ZSCAN4: variants seen among roughly 807,000 people sequenced by gnomAD.
The protein encoded by ZSCAN4 is zinc finger and SCAN domain containing 4.
Under a neutral mutation model 18.3 loss-of-function variants are expected in ZSCAN4, and 18 were observed. The observed-to-expected ratio is 0.98, with a 90% CI of 0.68 to 1.46. ZSCAN4 has a LOEUF of 1.46. Ranked by LOEUF, ZSCAN4 falls within the 40% of genes most tolerant of loss-of-function variation. The pLI is 0.00. For synonymous variants in ZSCAN4, 193 were observed against 180.3 expected (o/e 1.07, Z -0.57); for missense variants, 498 against 511.4 (o/e 0.97, Z 0.25).
chr19:57,666,138 T>C (rs1486873658), upstream of ZSCAN4, among the ~76,000 whole-genome samples: 2 of 152,174 alleles, frequency 1.3e-5, no homozygotes, highest in Non-Finnish European at 2.9e-5. Flanking sequence ...ATCAGATCCT[T>C]ATGAAGCAGC....
chr19:57,654,596 A>G, the ZSCAN4 span, among the ~76,000 whole-genome samples: 1 of 152,150 alleles, frequency 6.6e-6, no homozygotes, highest in Non-Finnish European at 1.5e-5. Flanking sequence ...GGCCATCTGG[A>G]AAGCTGATGG....
chr19:57,667,849 G>A (rs1479831389), upstream of ZSCAN4, among the ~76,000 whole-genome samples: 1 of 151,746 alleles, frequency 6.6e-6, no homozygotes, highest in Non-Finnish European at 1.5e-5. Flanking sequence ...GCCTCCAGTG[G>A]TACTCACATT....
chr19:57,676,512 A>G (rs764799362), exon 3 of ZSCAN4: 1 of 1,613,968 alleles, frequency 6.2e-7, no homozygotes, highest in Non-Finnish European at 8.5e-7. Flanking sequence ...AGAAGACCTG[A>G]CTGATGACAG....
At chr19:57,659,923 G>A in the ZSCAN4 span, among the ~76,000 whole-genome samples, 1 of 152,110 alleles carries the variant, frequency 6.6e-6, no homozygotes, top group Non-Finnish European at 1.5e-5. Context: ...ACCATTAATA[G>A]TTTCAGTAAT....
exon 5 of ZSCAN4, chr19:57,678,995 T>C: frequency 7.6e-7 from 1 of 1,315,646 alleles, no homozygotes; most frequent in Non-Finnish European, 1.0e-6. Flanking sequence ...TATAATCTCC[T>C]GATTATGCTT....
At chr19:57,669,661 G>A (rs1311495136) in intron 1 of ZSCAN4, among the ~76,000 whole-genome samples, 1 of 149,320 alleles carries the variant, frequency 6.7e-6, no homozygotes, top group African/African-American at 2.5e-5. Context: ...TCTTGACCTC[G>A]TGATCCGCCC....
the ZSCAN4 span, among the ~76,000 whole-genome samples, chr19:57,663,198 C>T: frequency 2.0e-5 from 3 of 151,524 alleles, no homozygotes; most frequent in South Asian, 2.1e-4. Flanking sequence ...CCACCGCACC[C>T]GGGATTGTTA....
chr19:57,667,488 A>T (rs1268247749), upstream of ZSCAN4, among the ~76,000 whole-genome samples: 1 of 152,192 alleles, frequency 6.6e-6, no homozygotes, highest in South Asian at 2.1e-4. Flanking sequence ...GTTATTTAGG[A>T]TCTACTTTAC....
At chr19:57,674,557 A>G (rs1012645657) in intron 2 of ZSCAN4, among the ~76,000 whole-genome samples, 1 of 152,092 alleles carries the variant, frequency 6.6e-6, no homozygotes, top group African/African-American at 2.4e-5. Context: ...CATTTTCTTT[A>G]TCCAGTCAAC....
chr19:57,678,415 G>A (rs755945198), exon 5 of ZSCAN4: 4 of 1,613,976 alleles, frequency 2.5e-6, no homozygotes, highest in Admixed American at 3.3e-5. Context: ...ATGGTGATGG[G>A]AGCAGGGTGT....
At chr19:57,668,618 C>T (rs142361776), upstream of ZSCAN4, among the ~76,000 whole-genome samples, 1,708 of 152,208 alleles carry the variant, frequency 0.011, 19 homozygotes, top group Non-Finnish European at 0.014. Context: ...AAAGCCTCAG[C>T]CTGTATGAGG....
chr19:57,677,280 G>C (rs1984215258), intron 3 of ZSCAN4, among the ~76,000 whole-genome samples: 1 of 152,204 alleles, frequency 6.6e-6, no homozygotes, highest in African/African-American at 2.4e-5. Context: ...GTCATTTTCA[G>C]ATATGTGCAG....
At chr19:57,670,213 TTAA>T (rs1568657868) in intron 1 of ZSCAN4, 29 bp from the exon 2 acceptor site, 1 of 152,332 alleles carries the variant, frequency 6.6e-6, no homozygotes, top group Non-Finnish European at 1.5e-5. Flanking sequence ...TGCAGAAATA[TTAA>T]TGTGTTTGTT....
chr19:57,663,549 T>TAAAAAAAAAAAAAAAAAAAAAAAA, the ZSCAN4 span, among the ~76,000 whole-genome samples: 1 of 65,708 alleles, frequency 1.5e-5, no homozygotes, highest in African/African-American at 5.9e-5. Flanking sequence ...AAAAAAAAAT[T>TAAAAAAAAAAAAAAAAAAAAAAAA]AGCTGGGCGT....
chr19:57,657,214 C>T, the ZSCAN4 span, among the ~76,000 whole-genome samples: 7,772 of 148,988 alleles, frequency 0.052, 268 homozygotes, highest in African/African-American at 0.089. Flanking sequence ...TGAGATCGCG[C>T]CACTGTACTC....
At chr19:57,676,341 T>G in exon 3 of ZSCAN4, 3 of 1,614,206 alleles carry the variant, frequency 1.9e-6, no homozygotes, top group Non-Finnish European at 2.5e-6. Flanking sequence ...GCAAAGACTT[T>G]ATAGGATCTT....
chr19:57,657,949 T>A, the ZSCAN4 span, among the ~76,000 whole-genome samples: 1 of 152,236 alleles, frequency 6.6e-6, no homozygotes, highest in Non-Finnish European at 1.5e-5. Flanking sequence ...AAAAGGTCTG[T>A]GCATGTTCAG....
At chr19:57,678,677 T>C (rs1984269168) in exon 5 of ZSCAN4, 1 of 1,614,096 alleles carries the variant, frequency 6.2e-7, no homozygotes, top group Non-Finnish European at 8.5e-7. Flanking sequence ...TACGGGTGCA[T>C]CAGATAATTC....
intron 2 of ZSCAN4, among the ~76,000 whole-genome samples, chr19:57,672,488 G>T (rs1984052170): frequency 6.6e-6 from 1 of 151,982 alleles, no homozygotes; most frequent in African/African-American, 2.4e-5. Flanking sequence ...AATTGACAAA[G>T]ATTGTATATA....
Sources: allele counts gnomAD v4.1 joint callset (sites outside exome capture counted in the v4.1 genomes callset), GRCh38; gene constraint gnomAD v4.1.1; transcripts MANE v1.5; gene names NCBI Gene and HGNC (gene_info 2026-07-23, HGNC 2026-07-21).